Variants in BDP1 observed in about 807,000 individuals in gnomAD.
BDP1 encodes BDP1 general transcription factor IIIB subunit.
BDP1 carries 169 observed loss-of-function variants against 266.6 expected under a neutral mutation model. That is an observed-to-expected ratio of 0.63 (90% CI 0.56 to 0.72). The LOEUF (loss-of-function observed/expected upper bound fraction) is 0.72. Ranked by LOEUF, BDP1 falls within the 30% of genes least tolerant of loss-of-function variation. The pLI, the probability that BDP1 is intolerant of heterozygous loss-of-function variation, is 0.00. For missense variants in BDP1, 3,015 were observed against 3,053.8 expected (o/e 0.99, Z 0.30); for synonymous variants, 1,090 against 1,022.4 (o/e 1.07, Z -1.26).
At chr5:71,570,830 TTAAAG>T (rs1173780715), downstream of BDP1, among the ~76,000 whole-genome samples, 1 of 152,156 alleles carries the variant, frequency 6.6e-6, no homozygotes, top group East Asian at 1.9e-4. Flanking sequence ...TACCAAGACT[TTAAAG>T]AAAAGAGTGT....
intron 7 of BDP1, among the ~76,000 whole-genome samples, chr5:71,474,297 G>A (rs180750108): frequency 6.7e-6 from 1 of 149,954 alleles, no homozygotes; most frequent in Non-Finnish European, 1.5e-5. Context: ...TTCCTTTTAA[G>A]CATCACTAGA....
chr5:71,459,654 A>G (rs1039137356), intron 2 of BDP1, among the ~76,000 whole-genome samples: 1 of 152,204 alleles, frequency 6.6e-6, no homozygotes, highest in African/African-American at 2.4e-5. Flanking sequence ...TTTCTTTTCT[A>G]GAAGGGCAGG....
chr5:71,575,049 T>G, the BDP1 span, among the ~76,000 whole-genome samples: 1 of 152,244 alleles, frequency 6.6e-6, no homozygotes, highest in African/African-American at 2.4e-5. Flanking sequence ...TTACCTTGTC[T>G]TGGTCCGGAT....
chr5:71,576,215 T>A, the BDP1 span, among the ~76,000 whole-genome samples: 1 of 151,998 alleles, frequency 6.6e-6, no homozygotes, highest in South Asian at 2.1e-4. Flanking sequence ...TGTTCCCAAG[T>A]CCCCAGCAGT....
At chr5:71,541,290 C>G (rs573482236) in intron 28 of BDP1, among the ~76,000 whole-genome samples, 164 bp from the exon 29 acceptor site, 2 of 152,234 alleles carry the variant, frequency 1.3e-5, no homozygotes, top group South Asian at 2.1e-4. Context: ...TTACAGCCAA[C>G]AAGGGCAAAA....
At position 71,501,592 on chromosome 5, in the gene BDP1, T is replaced by C. The variant is rs745621528; in HGVS notation, c.1987T>C (p.Leu663=). 21 of 1,604,334 alleles carry C rather than the reference T, an allele frequency of 1.3e-5. No individual in the cohort carries two copies. The South Asian group carries it at 1.8e-4, about 13-fold the overall frequency. ...NHVEKDKMNT[L]DILRMETTER... is the part of the protein sequence containing the mutation. ...CGTGGAAAAAGATAAAATGAATACA[T>C]TGGACATTTTGAGAATGGAGACTAC... is the stretch of plus-strand genomic sequence containing the variant. The change falls in exon 14 of 39, where the codon TTG becomes CTG. Residue 663 remains leucine, a synonymous_variant. Coordinates refer to ENST00000358731, the MANE Select transcript of BDP1 (RefSeq NM_018429.3).
At chr5:71,548,480 A>G (rs1222756510) in intron 32 of BDP1, among the ~76,000 whole-genome samples, 5 of 152,170 alleles carry the variant, frequency 3.3e-5, no homozygotes, top group South Asian at 2.1e-4. Flanking sequence ...ATATTTAACA[A>G]TGTAGTCAGG....
intron 37 of BDP1, among the ~76,000 whole-genome samples, chr5:71,560,589 A>G (rs1743575272): frequency 6.6e-6 from 1 of 152,218 alleles, no homozygotes; most frequent in African/African-American, 2.4e-5. Context: ...GTTTTACTGA[A>G]GTCCCAAATA....
intron 25 of BDP1, among the ~76,000 whole-genome samples, chr5:71,526,615 CAAAAAAAAA>C (rs752124588): frequency 8.0e-5 from 4 of 49,862 alleles, no homozygotes; most frequent in African/African-American, 3.3e-4. Flanking sequence ...GACTCTATCT[CAAAAAAAAA>C]AAAAAAAAAA....
In BDP1 at chr5:71,478,733, T is replaced by C. The variant is rs559502248; in HGVS notation, c.1015-5109T>C. Reference sequence around the variant, plus strand: ...AGCTTTAGTTTTGAGTTTGCTCAGCTTCTTGCATCTTTTACTGTATTAGGG... The same window carrying C: ...AGCTTTAGTTTTGAGTTTGCTCAGCCTCTTGCATCTTTTACTGTATTAGGG... On this transcript the variant is annotated intron_variant, in intron 7 of 38. Coordinates refer to ENST00000358731, the MANE Select transcript of BDP1 (RefSeq NM_018429.3). Among the ~76,000 whole-genome samples the C allele has an allele frequency of 9.6e-4, 146 of 152,296 alleles. 2 individuals are homozygous for C. The highest frequency in any genetic ancestry group is 2.9e-3 in the African/African-American group (121 of 41,582).
chr5:71,529,131 C>T (rs1251758082), intron 25 of BDP1, among the ~76,000 whole-genome samples: 1 of 151,934 alleles, frequency 6.6e-6, no homozygotes, highest in African/African-American at 2.4e-5. Flanking sequence ...GTGGCTCACA[C>T]CTGTAATCCT....
At chr5:71,521,960 C>CT (rs71931322) in intron 22 of BDP1, among the ~76,000 whole-genome samples, 42,494 of 144,882 alleles carry the variant, frequency 0.29, 6,889 homozygotes, top group East Asian at 0.51. Context: ...AGCTACTTGC[C>CT]TTTTTTTTTT....
intron 26 of BDP1, among the ~76,000 whole-genome samples, chr5:71,536,047 G>C (rs1328396677): frequency 6.6e-6 from 1 of 151,878 alleles, no homozygotes; most frequent in Non-Finnish European, 1.5e-5. Flanking sequence ...TCTTTTTCTT[G>C]CCTAACTGCC....
chr5:71,490,909 G>A (rs1763547487), intron 10 of BDP1, 75 bp from the exon 11 acceptor site: 3 of 1,460,870 alleles, frequency 2.1e-6, no homozygotes, highest in Non-Finnish European at 2.8e-6. Context: ...GAGTGTTATA[G>A]GTAAATTCCT....
intron 8 of BDP1, among the ~76,000 whole-genome samples, chr5:71,485,589 T>C (rs1208926584): frequency 1.3e-5 from 2 of 152,186 alleles, no homozygotes; most frequent in African/African-American, 4.8e-5. Flanking sequence ...CAAACCAGTC[T>C]TTGGCTTATG....
At chr5:71,467,903 T>C (rs1762001045) in intron 6 of BDP1, among the ~76,000 whole-genome samples, 1 of 152,110 alleles carries the variant, frequency 6.6e-6, no homozygotes, top group Admixed American at 6.6e-5. Context: ...GCAGTGAAAC[T>C]ATCTTAGCTT....
intron 13 of BDP1, among the ~76,000 whole-genome samples, chr5:71,501,244 C>T (rs1052845172): frequency 3.3e-5 from 5 of 152,218 alleles, no homozygotes; most frequent in East Asian, 1.9e-4. Context: ...GGTGTGACCT[C>T]GGCTCACTGC....
intron 36 of BDP1, among the ~76,000 whole-genome samples, chr5:71,557,923 TG>T (rs1743340485): frequency 6.6e-6 from 1 of 152,232 alleles, no homozygotes; most frequent in Admixed American, 6.5e-5. Flanking sequence ...CTATGGAAGC[TG>T]AAAAGATCTT....
intron 9 of BDP1, among the ~76,000 whole-genome samples, chr5:71,488,157 A>C (rs926065897): frequency 1.3e-5 from 2 of 151,858 alleles, no homozygotes; most frequent in African/African-American, 4.8e-5. Context: ...ACAGGGTCTC[A>C]CTTTGTTGCC....
Sources: gnomAD v4.1 joint callset for allele counts (sites outside exome capture counted in the v4.1 genomes callset) on GRCh38, gnomAD v4.1.1 for gene constraint, MANE v1.5 for transcripts, NCBI Gene and HGNC (gene_info 2026-07-23, HGNC 2026-07-21) for gene names.